NAALADL2: variants seen among roughly 807,000 people sequenced by gnomAD.
NAALADL2 encodes inactive N-acetylated-alpha-linked acidic dipeptidase-like protein 2.
In NAALADL2, 76 loss-of-function variants were observed where a neutral mutation model predicts 87.2. That is an observed-to-expected ratio of 0.87 (90% CI 0.72 to 1.05). The LOEUF (loss-of-function observed/expected upper bound fraction) is 1.05. NAALADL2 is among the 50% of genes least tolerant of loss of function. The probability of loss-of-function intolerance (pLI) is 0.00; values close to 1 mark genes in which losing one functional copy is unlikely to be tolerated. For synonymous variants in NAALADL2, 354 were observed against 331.0 expected (o/e 1.07, Z -0.75); for missense variants, 1,089 against 945.8 (o/e 1.15, Z -1.99).
At chr3:175,001,777 A>G (rs1026555259) in intron 1 of NAALADL2, among the ~76,000 whole-genome samples, 4 of 152,160 alleles carry the variant, frequency 2.6e-5, no homozygotes, top group Non-Finnish European at 4.4e-5. Context: ...TCATCAGAAT[A>G]TAGTACAGGT....
intron 3 of NAALADL2, among the ~76,000 whole-genome samples, chr3:174,742,671 A>G (rs958996327): frequency 6.6e-6 from 1 of 151,678 alleles, no homozygotes; most frequent in African/African-American, 2.4e-5. Context: ...GACACCTACT[A>G]GTAATAGGAG....
intron 3 of NAALADL2, among the ~76,000 whole-genome samples, chr3:174,809,559 A>T (rs1010250291): frequency 1.3e-5 from 2 of 152,132 alleles, no homozygotes; most frequent in Non-Finnish European, 2.9e-5. Flanking sequence ...CTTTCTAATA[A>T]CTTGGTTTAT....
chr3:174,574,767 A>G (rs1715343025), intron 2 of NAALADL2, among the ~76,000 whole-genome samples: 1 of 152,146 alleles, frequency 6.6e-6, no homozygotes, highest in African/African-American at 2.4e-5. Context: ...ATTCAAATAA[A>G]TAGAATCAGA....
intron 5 of NAALADL2, among the ~76,000 whole-genome samples, chr3:175,337,726 C>G (rs552281533): frequency 6.6e-6 from 1 of 152,222 alleles, no homozygotes; most frequent in African/African-American, 2.4e-5. Context: ...AACAAACAAA[C>G]AGCTTCTTTG....
chr3:175,569,144 CT>C, intron 9 of NAALADL2, among the ~76,000 whole-genome samples: 1 of 152,216 alleles, frequency 6.6e-6, no homozygotes, highest in African/African-American at 2.4e-5. Context: ...GCATTAGGAT[CT>C]TTAGGTTCTT....
intron 13 of NAALADL2, among the ~76,000 whole-genome samples, chr3:175,756,386 CA>C (rs1177206386): frequency 1.3e-5 from 2 of 152,062 alleles, no homozygotes; most frequent in African/African-American, 4.8e-5. Context: ...ATGTTTATCA[CA>C]GGACTAGTCA....
chr3:175,624,654 G>T (rs184895212), intron 10 of NAALADL2, among the ~76,000 whole-genome samples: 1 of 151,966 alleles, frequency 6.6e-6, no homozygotes, highest in Non-Finnish European at 1.5e-5. Context: ...CACATGGTAT[G>T]TATAATACAT....
At chr3:175,340,023 A>G (rs999308653) in intron 5 of NAALADL2, among the ~76,000 whole-genome samples, 1 of 152,128 alleles carries the variant, frequency 6.6e-6, no homozygotes, top group Non-Finnish European at 1.5e-5. Context: ...TGAGAGTTTC[A>G]TGGGTGTGGC....
intron 2 of NAALADL2, among the ~76,000 whole-genome samples, chr3:175,227,015 A>T (rs920184861): frequency 6.6e-6 from 1 of 152,120 alleles, no homozygotes; most frequent in African/African-American, 2.4e-5. Context: ...TTTTAATACT[A>T]TATTAGAAAT....
intron 1 of NAALADL2, among the ~76,000 whole-genome samples, chr3:174,914,779 A>C (rs1195506543): frequency 1.3e-5 from 2 of 152,228 alleles, no homozygotes; most frequent in Admixed American, 1.3e-4. Flanking sequence ...ATCTGCAGTC[A>C]GAAAGGAGTT....
intron 10 of NAALADL2, among the ~76,000 whole-genome samples, chr3:175,617,126 A>G (rs1465363335): frequency 1.3e-5 from 2 of 152,160 alleles, no homozygotes; most frequent in African/African-American, 4.8e-5. Context: ...CCTCAACTAC[A>G]ACTAAGGCAT....
At chr3:175,132,736 GGCAGA>G (rs1728325710) in intron 2 of NAALADL2, among the ~76,000 whole-genome samples, 1 of 149,590 alleles carries the variant, frequency 6.7e-6, no homozygotes, top group African/African-American at 2.5e-5. Flanking sequence ...GGGGTGGCCG[GGCAGA>G]GGCACCCCTC....
At chr3:175,703,297 T>A (rs1478276467) in intron 11 of NAALADL2, among the ~76,000 whole-genome samples, 1 of 152,182 alleles carries the variant, frequency 6.6e-6, no homozygotes, top group African/African-American at 2.4e-5. Flanking sequence ...ATAAAATACT[T>A]CAGGAAGTCT....
At chr3:175,582,589 A>T (rs555154344) in intron 10 of NAALADL2, among the ~76,000 whole-genome samples, 1 of 152,206 alleles carries the variant, frequency 6.6e-6, no homozygotes, top group Non-Finnish European at 1.5e-5. Flanking sequence ...CAAGTTAAGA[A>T]TATAGGACAA....
At chr3:174,844,616 C>T (rs1724380416) in intron 3 of NAALADL2, among the ~76,000 whole-genome samples, 1 of 151,964 alleles carries the variant, frequency 6.6e-6, no homozygotes, top group South Asian at 2.1e-4. Context: ...TTGATTCTTC[C>T]AATCCGTAAA....
chr3:174,521,844 AT>A (rs1004006558), intron 1 of NAALADL2, among the ~76,000 whole-genome samples: 7 of 152,118 alleles, frequency 4.6e-5, no homozygotes, highest in African/African-American at 1.2e-4. Flanking sequence ...ATTGTTTATT[AT>A]TTGGGTGATG....
chr3:175,600,714 T>G (rs1377112725), intron 10 of NAALADL2, among the ~76,000 whole-genome samples: 1 of 151,574 alleles, frequency 6.6e-6, no homozygotes, highest in African/African-American at 2.4e-5. Context: ...ATTTTTTGTA[T>G]TTTTAGTAGA....
intron 2 of NAALADL2, among the ~76,000 whole-genome samples, chr3:175,187,850 C>A (rs868808038): frequency 3.2e-4 from 48 of 152,198 alleles, no homozygotes; most frequent in African/African-American, 1.1e-3. Flanking sequence ...TGAACATGAT[C>A]CTTGCCTACA....
At chr3:175,132,264 T>A (rs1281658294) in intron 2 of NAALADL2, among the ~76,000 whole-genome samples, 1 of 18,024 alleles carries the variant, frequency 5.5e-5, no homozygotes, top group African/African-American at 4.7e-4. Context: ...GGCGGGGGGC[T>A]GACCCCCCCA....
Sources: allele counts gnomAD v4.1 joint callset (sites outside exome capture counted in the v4.1 genomes callset), GRCh38; gene constraint gnomAD v4.1.1; transcripts MANE v1.5; gene names NCBI Gene and HGNC (gene_info 2026-07-23, HGNC 2026-07-21).